SH3D19: variants seen among roughly 807,000 people sequenced by gnomAD.
The protein encoded by SH3D19 is SH3 domain containing 19, also known as SH3 domain-containing protein 19.
Under a neutral mutation model 112.1 loss-of-function variants are expected in SH3D19, and 58 were observed. The observed-to-expected ratio is 0.52, with a 90% CI of 0.42 to 0.64. The LOEUF is 0.64. Among genes scored for constraint, SH3D19 ranks in the 30% least tolerant of loss-of-function variants. The pLI, the probability that SH3D19 is intolerant of heterozygous loss-of-function variation, is 0.00. For missense variants in SH3D19, 1,090 were observed against 1,263.4 expected (o/e 0.86, Z 2.08); for synonymous variants, 391 against 448.5 (o/e 0.87, Z 1.62).
In SH3D19 at chr4:151,176,854, G is replaced by C; in HGVS notation, c.338C>G (p.Ala113Gly). ...CAGCTCATTAGGCCTCCAAGAGCCT[G>C]CTGCAGATGATGTAGGAAATCCCAG... ...PGLGFPTSSA[A>G]GSWRPNELVP... The change falls in exon 5 of 20, where the codon GCA becomes GGA. Residue 113 changes from alanine (A) to glycine (G), a missense_variant. By Grantham distance (60) the Ala-to-Gly change is moderately conservative. Transcript: ENST00000604030. The C allele has an allele frequency of 1.6e-6, 2 of 1,232,180 alleles. No individual in the cohort carries two copies. Among genetic ancestry groups the C allele is most frequent in the Non-Finnish European group, 2.0e-6 (2 of 987,972 alleles). 76.3% of individuals were successfully genotyped at this position (1,232,180 alleles called of 1,614,324 possible).
intron 9 of SH3D19, among the ~76,000 whole-genome samples, chr4:151,150,340 C>T (rs1420062534): frequency 1.4e-5 from 2 of 143,644 alleles, no homozygotes; most frequent in Non-Finnish European, 3.0e-5. Flanking sequence ...TATATATACA[C>T]ACACATATAT....
chr4:151,253,727 C>T (rs76589116), intron 1 of SH3D19, among the ~76,000 whole-genome samples: 12 of 129,376 alleles, frequency 9.3e-5, no homozygotes, highest in Admixed American at 2.4e-4. Flanking sequence ...GGCGACAGAG[C>T]GAGACTCCGT....
intron 1 of SH3D19, among the ~76,000 whole-genome samples, chr4:151,256,723 G>C (rs1223327387): frequency 1.5e-5 from 2 of 136,412 alleles, no homozygotes; most frequent in African/African-American, 5.3e-5. Context: ...TTGGCCTCTA[G>C]AAAGCTTCAA....
intron 17 of SH3D19, among the ~76,000 whole-genome samples, chr4:151,130,420 G>A (rs756571765): frequency 2.6e-5 from 4 of 151,854 alleles, no homozygotes; most frequent in Non-Finnish European, 5.9e-5. Flanking sequence ...GGGCATCAGA[G>A]TGAGATCCTG....
At chr4:151,123,954 G>T (rs1748598957) in intron 19 of SH3D19, among the ~76,000 whole-genome samples, 1 of 152,082 alleles carries the variant, frequency 6.6e-6, no homozygotes, top group South Asian at 2.1e-4. Flanking sequence ...AATTTACTCT[G>T]CTCTGCTAAA....
At chr4:151,315,237 T>C (rs1729877045) in intron 1 of SH3D19, among the ~76,000 whole-genome samples, 1 of 152,168 alleles carries the variant, frequency 6.6e-6, no homozygotes, top group Non-Finnish European at 1.5e-5. Flanking sequence ...CTGCATAGGA[T>C]TGGTACCAGG....
At chr4:151,168,629 C>T (rs968871015) in intron 7 of SH3D19, among the ~76,000 whole-genome samples, 1 of 151,944 alleles carries the variant, frequency 6.6e-6, no homozygotes, top group African/African-American at 2.4e-5. Context: ...GATGAGGTTT[C>T]ACTGTGTTGT....
At chr4:151,222,744 C>T (rs1390076937) in intron 2 of SH3D19, among the ~76,000 whole-genome samples, 1 of 133,804 alleles carries the variant, frequency 7.5e-6, no homozygotes, top group Non-Finnish European at 1.5e-5. Flanking sequence ...GTGATCTTGG[C>T]TCACTGCAAC....
intron 2 of SH3D19, among the ~76,000 whole-genome samples, chr4:151,220,854 A>G (rs1366008575): frequency 6.6e-6 from 1 of 152,222 alleles, no homozygotes; most frequent in Non-Finnish European, 1.5e-5. Context: ...TCTGCATATT[A>G]ACACTTATTT....
intron 2 of SH3D19, among the ~76,000 whole-genome samples, chr4:151,219,519 T>C (rs1767687493): frequency 6.6e-6 from 1 of 152,222 alleles, no homozygotes; most frequent in Admixed American, 6.5e-5. Flanking sequence ...ACTTGGTATT[T>C]TCAGTCTTTG....
chr4:151,216,914 T>C (rs1202087911), intron 2 of SH3D19, among the ~76,000 whole-genome samples: 1 of 141,650 alleles, frequency 7.1e-6, no homozygotes, highest in African/African-American at 2.7e-5. Flanking sequence ...TGTGTGTGTG[T>C]GTGTGTGTGT....
At position 151,171,194 on chromosome 4, in the gene SH3D19, A is replaced by G. The variant is rs1194895010; in HGVS notation, c.1534+3476T>C. Among the ~76,000 whole-genome samples, 5 of 151,834 alleles carry G rather than the reference A, an allele frequency of 3.3e-5. No homozygotes were observed. In the East Asian group the frequency reaches 9.7e-4, roughly 29 times the overall value. ...TTGTACCTTGAATTGTGTACACATG[A>G]GCTAATGGCTATTTTCTTTTTTTTT... On this transcript the variant is annotated intron_variant, in intron 7 of 19. Transcript: ENST00000604030.
chr4:151,243,971 C>G (rs1382511021), intron 1 of SH3D19, among the ~76,000 whole-genome samples: 1 of 152,174 alleles, frequency 6.6e-6, no homozygotes, highest in Non-Finnish European at 1.5e-5. Context: ...TTCCGTGGAC[C>G]TTGAAGACTC....
intron 1 of SH3D19, among the ~76,000 whole-genome samples, chr4:151,286,886 A>T (rs1353151277): frequency 6.6e-6 from 1 of 151,778 alleles, no homozygotes; most frequent in Non-Finnish European, 1.5e-5. Flanking sequence ...AGGCTGAGGC[A>T]TGAGAATCAC....
chr4:151,203,070 G>C (rs79737989), intron 2 of SH3D19, among the ~76,000 whole-genome samples: 2 of 152,094 alleles, frequency 1.3e-5, no homozygotes, highest in East Asian at 3.9e-4. Context: ...TTGGTGGTGG[G>C]GTTAGGATCT....
Position 151,240,467 on chromosome 4 carries a change from G to A in SH3D19, c.113-14381C>T, listed in dbSNP as rs1290008083. On this transcript the variant is annotated intron_variant, in intron 1 of 19. Transcript: ENST00000604030. ...TTCACTACGTGTTTCATAAGCAGAA[G>A]GTACTGCACATGAGGCTTAATTTCT... 1.3e-5 allele frequency among the ~76,000 whole-genome samples: 2 copies of A among 151,302 alleles called. 1 individual carries two copies. Among genetic ancestry groups the A allele is most frequent in the African/African-American group, 4.9e-5 (2 of 40,998 alleles).
chr4:151,188,925 C>T (rs567179551), intron 2 of SH3D19, among the ~76,000 whole-genome samples: 2 of 152,196 alleles, frequency 1.3e-5, no homozygotes, highest in African/African-American at 4.8e-5. Flanking sequence ...TAACTGGTTT[C>T]TTAGAAGATG....
chr4:151,251,964 C>G (rs1005728430), intron 1 of SH3D19, among the ~76,000 whole-genome samples: 1 of 152,184 alleles, frequency 6.6e-6, no homozygotes, highest in Non-Finnish European at 1.5e-5. Context: ...ACTGAGGAAA[C>G]AGAAACAATA....
chr4:151,298,146 T>C (rs567091812), intron 1 of SH3D19, among the ~76,000 whole-genome samples: 1 of 151,940 alleles, frequency 6.6e-6, no homozygotes, highest in Non-Finnish European at 1.5e-5. Flanking sequence ...GAAATTGATT[T>C]CAGACTTTAG....
Sources: gnomAD v4.1 joint callset for allele counts (sites outside exome capture counted in the v4.1 genomes callset) on GRCh38, gnomAD v4.1.1 for gene constraint, MANE v1.5 for transcripts, NCBI Gene and HGNC (gene_info 2026-07-23, HGNC 2026-07-21) for gene names.